Variants in CDK6 observed in about 807,000 individuals in gnomAD.
CDK6 encodes the protein cyclin-dependent kinase 6.
In CDK6, 6 loss-of-function variants were observed where a neutral mutation model predicts 37.1. The observed-to-expected ratio is 0.16, with a 90% CI of 0.09 to 0.32. The LOEUF is 0.32. Among genes scored for constraint, CDK6 ranks in the 10% least tolerant of loss-of-function variants. The pLI is 1.00. For synonymous variants in CDK6, 160 were observed against 161.3 expected, an observed-to-expected ratio of 0.99 and a Z score of 0.06; for missense variants, 224 against 418.9, an observed-to-expected ratio of 0.53 and a Z score of 4.06.
intron 4 of CDK6, among the ~76,000 whole-genome samples, chr7:92,702,512 C>G (rs1254316438): frequency 1.3e-5 from 2 of 152,036 alleles, no homozygotes; most frequent in Non-Finnish European, 2.9e-5. Flanking sequence ...GGATTACAGG[C>G]ATGAGCTACC....
chr7:92,634,608 A>T (rs1300830041), intron 5 of CDK6, among the ~76,000 whole-genome samples: 2 of 152,164 alleles, frequency 1.3e-5, no homozygotes, highest in South Asian at 2.1e-4. Flanking sequence ...AACCTTTTAT[A>T]TCCTTACAAC....
intron 2 of CDK6, among the ~76,000 whole-genome samples, chr7:92,817,489 G>A (rs562305916): frequency 6.6e-6 from 1 of 151,690 alleles, no homozygotes; most frequent in Non-Finnish European, 1.5e-5. Context: ...AGGAATATAA[G>A]GGAACTTCAT....
intron 2 of CDK6, among the ~76,000 whole-genome samples, chr7:92,829,028 T>C (rs564812695): frequency 8.4e-4 from 128 of 152,252 alleles, no homozygotes; most frequent in African/African-American, 3.0e-3. Flanking sequence ...ACCACACAAA[T>C]AGCAATTTTA....
chr7:92,663,449 A>G (rs1796881051), intron 5 of CDK6, among the ~76,000 whole-genome samples: 1 of 152,122 alleles, frequency 6.6e-6, no homozygotes, highest in Non-Finnish European at 1.5e-5. Flanking sequence ...TCATGCCTGT[A>G]ATCTTAGTAC....
chr7:92,690,317 A>G (rs1236554874), intron 4 of CDK6, among the ~76,000 whole-genome samples: 1 of 152,186 alleles, frequency 6.6e-6, no homozygotes, highest in African/African-American at 2.4e-5. Flanking sequence ...GAAGGGGTCC[A>G]GTTTCAATCT....
At chr7:92,653,311 A>G (rs1269602215) in intron 5 of CDK6, among the ~76,000 whole-genome samples, 1 of 152,212 alleles carries the variant, frequency 6.6e-6, no homozygotes, top group African/African-American at 2.4e-5. Context: ...GCAGGCCCAC[A>G]TCACAAGCAG....
chr7:92,811,636 C>G (rs1002773709), intron 2 of CDK6, among the ~76,000 whole-genome samples: 2 of 151,932 alleles, frequency 1.3e-5, no homozygotes, highest in African/African-American at 4.8e-5. Context: ...CTTGCAACTA[C>G]TACCTGATAT....
intron 4 of CDK6, 23 bp downstream of exon 4, chr7:92,725,603 A>G: frequency 1.3e-6 from 2 of 1,592,504 alleles, no homozygotes; most frequent in Non-Finnish European, 1.7e-6. Flanking sequence ...AGTTTAATAA[A>G]AGGACAGCAC....
At chr7:92,649,967 C>G (rs1352194680) in intron 5 of CDK6, among the ~76,000 whole-genome samples, 2 of 152,190 alleles carry the variant, frequency 1.3e-5, no homozygotes, top group Admixed American at 1.3e-4. Context: ...CTTGTCTAAG[C>G]TTTACAATTG....
At chr7:92,685,067 C>T (rs941839296) in intron 4 of CDK6, among the ~76,000 whole-genome samples, 6 of 152,030 alleles carry the variant, frequency 3.9e-5, no homozygotes, top group Non-Finnish European at 8.8e-5. Context: ...TTTTAAATGT[C>T]CTCAAAATCT....
chr7:92,612,260 A>T lies in CDK6; in HGVS notation c.*2880T>A, dbSNP rs1795577922. The T allele has an allele frequency of 4.3e-6, 1 of 233,078 alleles. No individual in the cohort carries two copies. Among genetic ancestry groups the T allele is most frequent in the Non-Finnish European group, 8.5e-6 (1 of 117,992 alleles). 14.4% of individuals were successfully genotyped at this position (233,078 alleles called of 1,614,324 possible). A position where few individuals can be genotyped will look rare whatever the true frequency, so the allele number is the denominator to read the frequency against. ...TCAAACATGATTTCAAATCTGTCAC[A>T]ATATTTTAACTTGCTATGAGCTGCT... On this transcript the variant is annotated 3_prime_UTR_variant, in exon 8 of 8. Transcript: ENST00000424848.
intron 4 of CDK6, among the ~76,000 whole-genome samples, chr7:92,691,836 G>A (rs1349451287): frequency 6.6e-6 from 1 of 152,178 alleles, no homozygotes; most frequent in Non-Finnish European, 1.5e-5. Flanking sequence ...GTCAAATACA[G>A]GGAAGTACTT....
intron 2 of CDK6, among the ~76,000 whole-genome samples, chr7:92,795,766 GTTTAA>G (rs1455954755): frequency 1.3e-5 from 2 of 152,240 alleles, no homozygotes; most frequent in African/African-American, 4.8e-5. Flanking sequence ...TATCCAGATA[GTTTAA>G]TTTAACCAGT....
chr7:92,652,521 G>A (rs1322610418), intron 5 of CDK6, among the ~76,000 whole-genome samples: 3 of 152,088 alleles, frequency 2.0e-5, no homozygotes, highest in African/African-American at 7.2e-5. Context: ...TAAATCTGAT[G>A]GTACACTCTG....
At chr7:92,737,498 G>C (rs2115613468) in intron 3 of CDK6, among the ~76,000 whole-genome samples, 1 of 152,224 alleles carries the variant, frequency 6.6e-6, no homozygotes, top group South Asian at 2.1e-4. Flanking sequence ...TTTTCTGTAG[G>C]CCTCTCTGAC....
At chr7:92,651,502 C>G (rs1406102259) in intron 5 of CDK6, among the ~76,000 whole-genome samples, 1 of 152,076 alleles carries the variant, frequency 6.6e-6, no homozygotes, top group Admixed American at 6.5e-5. Flanking sequence ...TAAATTTTAC[C>G]CATTTCCAGA....
chr7:92,776,998 ACTGC>A (rs1234623676), intron 2 of CDK6, among the ~76,000 whole-genome samples: 4 of 152,058 alleles, frequency 2.6e-5, no homozygotes, highest in East Asian at 3.9e-4. Context: ...CCTGAATGGT[ACTGC>A]CTAAGTTTTT....
chr7:92,675,846 T>C (rs1292865517), intron 4 of CDK6, among the ~76,000 whole-genome samples: 1 of 152,124 alleles, frequency 6.6e-6, no homozygotes, highest in Admixed American at 6.5e-5. Context: ...TTAATCTAGA[T>C]TTAAAAATGT....
intron 4 of CDK6, among the ~76,000 whole-genome samples, chr7:92,685,394 A>G (rs1562935292): frequency 6.6e-6 from 1 of 152,210 alleles, no homozygotes; most frequent in Non-Finnish European, 1.5e-5. Context: ...GCATGCAAAC[A>G]CTACTTGAAA....
Sources: allele counts gnomAD v4.1 joint callset (sites outside exome capture counted in the v4.1 genomes callset), GRCh38; gene constraint gnomAD v4.1.1; transcripts MANE v1.5; gene names NCBI Gene and HGNC (gene_info 2026-07-23, HGNC 2026-07-21).